The following MYLK variants were observed in gnomAD, a reference collection of about 807,000 sequenced individuals.
MYLK encodes the protein myosin light chain kinase, smooth muscle.
Under a neutral mutation model 203.4 loss-of-function variants are expected in MYLK, and 106 were observed. The observed-to-expected ratio is 0.52, with a 90% CI of 0.45 to 0.61. MYLK has a LOEUF of 0.61. MYLK is among the 20% of genes least tolerant of loss of function. The probability of loss-of-function intolerance (pLI) is 0.00; values close to 1 mark genes in which losing one functional copy is unlikely to be tolerated. For synonymous variants in MYLK, 867 were observed against 959.5 expected, an observed-to-expected ratio of 0.90 and a Z score of 1.78; for missense variants, 2,072 against 2,442.3, an observed-to-expected ratio of 0.85 and a Z score of 3.20.
intron 2 of MYLK, among the ~76,000 whole-genome samples, chr3:123,871,321 T>C (rs1037685710): frequency 6.6e-6 from 1 of 151,956 alleles, no homozygotes; most frequent in South Asian, 2.1e-4. Flanking sequence ...AAGCAGAATA[T>C]ATGATAAAGA....
At position 123,793,858 on chromosome 3, in the gene MYLK, G is replaced by C; in HGVS notation, c.-3-14C>G. The C allele has an allele frequency of 6.2e-7, 1 of 1,614,100 alleles. No individual in the cohort carries two copies. The highest frequency in any genetic ancestry group is 8.5e-7 in the Non-Finnish European group (1 of 1,180,022). ...ATCCCCCATGGTCTGCAAAAAGGAA[G>C]GAAGAGGACAAGGTCAGATCAGACA... is the stretch of plus-strand genomic sequence containing the variant. On this transcript the variant is annotated splice_polypyrimidine_tract_variant and intron_variant, in intron 3 of 33. Transcript: ENST00000360304.
At chr3:123,879,185 G>T (rs2033355197) in intron 1 of MYLK, among the ~76,000 whole-genome samples, 1 of 152,136 alleles carries the variant, frequency 6.6e-6, no homozygotes, top group Admixed American at 6.5e-5. Flanking sequence ...CCACCCAATT[G>T]CCTCTTAATA....
At chr3:123,775,866 C>T (rs887050496) in intron 4 of MYLK, among the ~76,000 whole-genome samples, 1 of 152,128 alleles carries the variant, frequency 6.6e-6, no homozygotes, top group South Asian at 2.1e-4. Flanking sequence ...CACTGCCCAG[C>T]CTTTGGTTTT....
chr3:123,708,457 C>G (rs2061549872), intron 15 of MYLK, among the ~76,000 whole-genome samples: 1 of 152,214 alleles, frequency 6.6e-6, no homozygotes. Flanking sequence ...ACTCTATGCA[C>G]CTTGGCACCA....
rs1233704261 is a variant in MYLK at position 123,648,532 on chromosome 3, T to C, written c.4415+439A>G. 6.6e-6 allele frequency among the ~76,000 whole-genome samples: 1 copy of C among 152,178 alleles called. No homozygotes were observed. The highest frequency in any genetic ancestry group is 1.5e-5 in the Non-Finnish European group (1 of 68,044). On this transcript the variant is annotated intron_variant, in intron 26 of 33. Transcript: ENST00000360304. This position sits in a 1 kb window ranked among gnomAD's most constrained non-coding sequence, Gnocchi z 4.5. ...ACATGTGCAGGATGTGTACGTTACG[T>C]AGGTAAACGTGTGCCATGGTGGTTT... is the stretch of plus-strand genomic sequence containing the variant.
intron 4 of MYLK, among the ~76,000 whole-genome samples, chr3:123,756,449 C>A (rs543582916): frequency 6.6e-6 from 1 of 152,228 alleles, no homozygotes; most frequent in East Asian, 1.9e-4. Context: ...CAAGCCAAGG[C>A]CTGCACACTC....
intron 4 of MYLK, among the ~76,000 whole-genome samples, chr3:123,777,593 A>G (rs1560204188): frequency 6.6e-6 from 1 of 152,218 alleles, no homozygotes; most frequent in Non-Finnish European, 1.5e-5. Flanking sequence ...TGTAGAACAG[A>G]GACCTGAGGG....
intron 13 of MYLK, among the ~76,000 whole-genome samples, chr3:123,717,882 G>A (rs1395280078): frequency 8.3e-6 from 1 of 120,284 alleles, no homozygotes; most frequent in African/African-American, 3.3e-5. Flanking sequence ...TTGAGACAGG[G>A]TCTTGCTCTG....
In MYLK at chr3:123,692,848, G is replaced by A. The variant is rs774292564; in HGVS notation, c.3452C>T (p.Ser1151Leu). The A allele has an allele frequency of 4.3e-6, 7 of 1,613,282 alleles. No homozygotes were observed. The East Asian group carries it at 8.9e-5, about 21-fold the overall frequency. ...TKFIILSQEG[S>L]LCSVSIEKAL... ...CTTCTCGATGGAGACGGAGCAGAGT[G>A]AGCCTGGGGAGGAAGAATTGTGGAG... Residue 1151 changes from serine to leucine, a missense_variant, in exon 19 of 34, where the codon TCA becomes TTA. This residue lies in a region of MYLK where 865 missense variants were observed against 1,016.0 expected (regional missense o/e 0.85). Transcript: ENST00000360304.
At chr3:123,883,148 G>A (rs1230847257) in intron 1 of MYLK, among the ~76,000 whole-genome samples, 2 of 152,102 alleles carry the variant, frequency 1.3e-5, no homozygotes, top group Non-Finnish European at 2.9e-5. Context: ...AGGTGGAGAA[G>A]AACACAGCCT....
intron 3 of MYLK, among the ~76,000 whole-genome samples, chr3:123,797,182 C>T (rs1238334389): frequency 6.6e-6 from 1 of 152,010 alleles, no homozygotes; most frequent in African/African-American, 2.4e-5. Context: ...ATAAAATGAG[C>T]ACCCCAAATA....
chr3:123,776,485 T>C (rs1044882071), intron 4 of MYLK, among the ~76,000 whole-genome samples: 3 of 152,158 alleles, frequency 2.0e-5, no homozygotes, highest in Non-Finnish European at 4.4e-5. Context: ...TATAAAGATG[T>C]TGATGAAAAT....
chr3:123,671,554 C>T (rs1266559098), intron 20 of MYLK, among the ~76,000 whole-genome samples: 1 of 152,100 alleles, frequency 6.6e-6, no homozygotes, highest in Non-Finnish European at 1.5e-5. Context: ...GACGGTGATG[C>T]TGGAGAGGCC....
Position 123,687,599 on chromosome 3 carries a change from C to G in MYLK, c.3565+5136G>C, listed in dbSNP as rs560767938. Reference sequence around the variant, plus strand: ...TCCTTCCTTCCTTTCTTCCTTCCTTCCTTCCTTCCTACCTTCATTCCTTCC... The same window carrying G: ...TCCTTCCTTCCTTTCTTCCTTCCTTGCTTCCTTCCTACCTTCATTCCTTCC... On this transcript the variant is annotated intron_variant, in intron 19 of 33. Transcript: ENST00000360304. 4.2e-4 allele frequency among the ~76,000 whole-genome samples: 64 copies of G among 151,806 alleles called. 1 individual carries two copies. The highest frequency in any genetic ancestry group is 3.4e-3 in the Middle Eastern group (1 of 294).
intron 2 of MYLK, chr3:123,835,729 TC>T (rs2066460647): frequency 6.6e-6 from 1 of 152,096 alleles, no homozygotes; most frequent in Non-Finnish European, 1.5e-5. Flanking sequence ...GACACCAGAA[TC>T]CCTCTTCCCC....
At chr3:123,738,546 G>A (rs1204242369) in intron 7 of MYLK, among the ~76,000 whole-genome samples, 2 of 152,138 alleles carry the variant, frequency 1.3e-5, no homozygotes, top group Admixed American at 1.3e-4. Flanking sequence ...ATCTTGAAAT[G>A]TAGCTCCCAT....
intron 5 of MYLK, among the ~76,000 whole-genome samples, chr3:123,751,509 C>A (rs1251556680): frequency 2.0e-5 from 3 of 152,074 alleles, no homozygotes; most frequent in Non-Finnish European, 1.5e-5. Context: ...TTCTGAGTTA[C>A]ATAATTTTTA....
chr3:123,749,707 G>T (rs2063137322), intron 5 of MYLK, among the ~76,000 whole-genome samples: 1 of 152,178 alleles, frequency 6.6e-6, no homozygotes, highest in African/African-American at 2.4e-5. Context: ...TACTAGCTGT[G>T]CTTATCCTTG....
At chr3:123,635,695 G>A (rs183655204) in intron 29 of MYLK, among the ~76,000 whole-genome samples, 31 of 152,242 alleles carry the variant, frequency 2.0e-4, no homozygotes, top group Admixed American at 1.8e-3. Flanking sequence ...TTCCTCCACC[G>A]AAAAGAACTC....
Sources: gnomAD v4.1 joint callset for allele counts (sites outside exome capture counted in the v4.1 genomes callset) on GRCh38, gnomAD v4.1.1 for gene constraint, gnomAD v4.1.1 regional missense constraint, Gnocchi (gnomAD v3.1) non-coding constraint, MANE v1.5 for transcripts, NCBI Gene and HGNC (gene_info 2026-07-23, HGNC 2026-07-21) for gene names.